DNAJC5: variants seen among roughly 807,000 people sequenced by gnomAD.
The protein encoded by DNAJC5 is dnaJ homolog subfamily C member 5.
In DNAJC5, 1 loss-of-function variant was observed where a neutral mutation model predicts 23.2. That is an observed-to-expected ratio of 0.04 (90% confidence interval 0.02 to 0.20). DNAJC5 has a LOEUF of 0.20. Among genes scored for constraint, DNAJC5 ranks in the 10% least tolerant of loss-of-function variants. The pLI is 1.00. For missense variants in DNAJC5, 180 were observed against 267.0 expected (o/e 0.67, Z 2.27); for synonymous variants, 136 against 120.0 (o/e 1.13, Z -0.87).
In DNAJC5 at chr20:63,934,104, G is replaced by T. The variant is rs969950172; in HGVS notation, c.*2536G>T. The T allele has an allele frequency of 1.3e-5, 2 of 152,312 alleles. No individual in the cohort carries two copies. The highest frequency in any genetic ancestry group is 2.4e-5 in the African/African-American group (1 of 41,442). The allele number at this position is 152,312 out of a possible 1,614,324, so 9.4% of individuals were successfully genotyped here. On this transcript the variant is annotated 3_prime_UTR_variant, in exon 5 of 5. Coordinates refer to ENST00000360864, the MANE Select transcript of DNAJC5 (RefSeq NM_025219.3). ...GAAGCCCAGACACTCGGGGCCTGGAGTTCCTCCCCCTGCCTGACCTAGAAG... is the reference window on the plus strand; with the variant it reads ...GAAGCCCAGACACTCGGGGCCTGGATTTCCTCCCCCTGCCTGACCTAGAAG...
At chr20:63,916,559 G>T (rs1258241586) in intron 1 of DNAJC5, among the ~76,000 whole-genome samples, 1 of 152,222 alleles carries the variant, frequency 6.6e-6, no homozygotes, top group African/African-American at 2.4e-5. Context: ...ATAAGGGTCT[G>T]TGTTCAGCGG....
Position 63,903,951 on chromosome 20 carries a change from T to TA in DNAJC5, c.-12+8628_-12+8629insA, listed in dbSNP as rs566317404. Among the ~76,000 whole-genome samples, 6 of 152,142 alleles carry TA rather than the reference T, an allele frequency of 3.9e-5. No homozygotes were observed. In the South Asian group the frequency reaches 1.0e-3, roughly 26 times the overall value. On this transcript the variant is annotated intron_variant, in intron 1 of 4. Coordinates refer to ENST00000360864, the MANE Select transcript of DNAJC5 (RefSeq NM_025219.3). ...AAATACAAAAGTTAGCTGGGCGTGG[T>TA]GGTGCATGCCTGTGGTCCCAGCTAC... is the stretch of plus-strand genomic sequence containing the variant.
At chr20:63,912,258 G>A (rs1208086554) in intron 1 of DNAJC5, among the ~76,000 whole-genome samples, 1 of 150,340 alleles carries the variant, frequency 6.7e-6, no homozygotes, top group Non-Finnish European at 1.5e-5. Flanking sequence ...AGCTGAAAGT[G>A]CACTACTGCA....
intron 1 of DNAJC5, among the ~76,000 whole-genome samples, chr20:63,899,800 C>G (rs1322774857): frequency 6.6e-6 from 1 of 150,986 alleles, no homozygotes. Flanking sequence ...CCAGGATGGT[C>G]TCGATCTCCT....
chr20:63,895,362 G>C (rs1228401044), intron 1 of DNAJC5, 39 bp downstream of exon 1: 1 of 146,260 alleles, frequency 6.8e-6, no homozygotes, highest in African/African-American at 2.5e-5. Flanking sequence ...ATCGGCCCAC[G>C]TCAGGCCCGG....
intron 1 of DNAJC5, among the ~76,000 whole-genome samples, chr20:63,915,861 A>G (rs1354971921): frequency 2.0e-5 from 3 of 152,252 alleles, no homozygotes; most frequent in Non-Finnish European, 2.9e-5. Context: ...CAGACTGATG[A>G]TATTTTTGTA....
At position 63,934,521 on chromosome 20, in the gene DNAJC5, C is replaced by T. The variant is rs2053701700; in HGVS notation, c.*2953C>T. 6.6e-6 allele frequency: 1 copy of T among 152,422 alleles called. No homozygotes were observed. Among genetic ancestry groups the T allele is most frequent in the African/African-American group, 2.4e-5 (1 of 41,598 alleles). 9.4% of individuals were successfully genotyped at this position (152,422 alleles called of 1,614,324 possible). ...GGGTCCGGGCAGCACTGACTGCTTC[C>T]GACCTGCAGGAGGCGTAGGAGCGGC... On this transcript the variant is annotated 3_prime_UTR_variant, in exon 5 of 5. Transcript: ENST00000360864.
At position 63,929,372 on chromosome 20, in the gene DNAJC5, G is replaced by A; in HGVS notation, c.168G>A (p.Lys56=). ...KNPDNPEAAD[K]FKEINNAHAI... ...CCGACAACCCGGAGGCCGCGGACAA[G>A]TTTAAGGAGATCAACAACGCGCACG... Residue 56 remains lysine (K), a synonymous_variant, in exon 3 of 5, where the codon AAG becomes AAA. Transcript: ENST00000360864. The surrounding 1 kb of genome is among the most constrained non-coding windows in gnomAD (Gnocchi z 8.6). 1 of 1,614,154 alleles carries A rather than the reference G, an allele frequency of 6.2e-7. No homozygotes were observed. Among genetic ancestry groups the A allele is most frequent in the Non-Finnish European group, 8.5e-7 (1 of 1,180,028 alleles).
At chr20:63,915,070 G>A (rs1334127110) in intron 1 of DNAJC5, among the ~76,000 whole-genome samples, 1 of 152,066 alleles carries the variant, frequency 6.6e-6, no homozygotes, top group Admixed American at 6.5e-5. Context: ...GTGGGTCCCA[G>A]GGAGAGACGG....
chr20:63,924,440 G>A (rs2053595442), intron 1 of DNAJC5, among the ~76,000 whole-genome samples: 1 of 152,206 alleles, frequency 6.6e-6, no homozygotes, highest in Non-Finnish European at 1.5e-5. Context: ...AGGCTACAGT[G>A]TGGTGGCACG....
intron 1 of DNAJC5, among the ~76,000 whole-genome samples, chr20:63,925,807 G>T (rs1452453669): frequency 2.7e-5 from 4 of 150,494 alleles, no homozygotes; most frequent in African/African-American, 9.8e-5. Flanking sequence ...AAAAAATCTG[G>T]GCCTGGAATT....
chr20:63,898,405 C>T (rs6011209), intron 1 of DNAJC5, among the ~76,000 whole-genome samples: 63,458 of 151,910 alleles, frequency 0.42, 13,755 homozygotes, highest in East Asian at 0.64. Flanking sequence ...AGCAGTATTT[C>T]TCCAGGAAGG....
intron 1 of DNAJC5, among the ~76,000 whole-genome samples, chr20:63,917,140 G>A (rs1013369406): frequency 7.9e-5 from 12 of 152,312 alleles, no homozygotes; most frequent in African/African-American, 2.6e-4. Context: ...TTGGAAACTG[G>A]TAAATGTCCA....
intron 1 of DNAJC5, among the ~76,000 whole-genome samples, chr20:63,898,797 C>T (rs956339748): frequency 2.6e-5 from 4 of 152,170 alleles, no homozygotes; most frequent in African/African-American, 9.7e-5. Context: ...GCTGAGATAG[C>T]ACCACTGCAC....
At chr20:63,924,893 C>T (rs1299968529) in intron 1 of DNAJC5, among the ~76,000 whole-genome samples, 1 of 152,256 alleles carries the variant, frequency 6.6e-6, no homozygotes, top group East Asian at 1.9e-4. Context: ...CCCAACTCAC[C>T]TGTGTTATAG....
At chr20:63,918,891 G>C (rs1007504589) in intron 1 of DNAJC5, among the ~76,000 whole-genome samples, 19 of 152,204 alleles carry the variant, frequency 1.2e-4, no homozygotes, top group African/African-American at 4.1e-4. Context: ...ACCACGCCCG[G>C]CTGATATGTT....
chr20:63,903,658 A>G (rs905965517), intron 1 of DNAJC5, among the ~76,000 whole-genome samples: 1 of 152,156 alleles, frequency 6.6e-6, no homozygotes, highest in Non-Finnish European at 1.5e-5. Flanking sequence ...AAAAAATTAA[A>G]AACATTTTTG....
In DNAJC5 at chr20:63,931,229, G is replaced by A. The variant is rs999512848; in HGVS notation, c.493+207G>A. 15 of 790,544 alleles carry A rather than the reference G, an allele frequency of 1.9e-5. No individual in the cohort carries two copies. Among genetic ancestry groups the A allele is most frequent in the African/African-American group, 5.1e-5 (3 of 58,966 alleles). 49.0% of individuals were successfully genotyped at this position (790,544 alleles called of 1,614,324 possible). A position where few individuals can be genotyped will look rare whatever the true frequency, so the allele number is the denominator to read the frequency against. Reference sequence around the variant, plus strand: ...GTCCCCGCCGTGACCTGCGGTAGCCGTAGATCCCAGGGACTGCGAGGCGGG... The same window carrying A: ...GTCCCCGCCGTGACCTGCGGTAGCCATAGATCCCAGGGACTGCGAGGCGGG... On this transcript the variant is annotated intron_variant, in intron 4 of 4. Transcript: ENST00000360864. The surrounding 1 kb of genome is among the most constrained non-coding windows in gnomAD (Gnocchi z 9.6).
chr20:63,911,393 GC>G, intron 1 of DNAJC5, among the ~76,000 whole-genome samples: 1 of 152,274 alleles, frequency 6.6e-6, no homozygotes, highest in Admixed American at 6.5e-5. Flanking sequence ...GTTTTCTGTG[GC>G]ACTCTGTGTG....
Sources: gnomAD v4.1 joint callset for allele counts (sites outside exome capture counted in the v4.1 genomes callset) on GRCh38, gnomAD v4.1.1 for gene constraint, Gnocchi (gnomAD v3.1) non-coding constraint, MANE v1.5 for transcripts, NCBI Gene and HGNC (gene_info 2026-07-23, HGNC 2026-07-21) for gene names.